OR2A1: variants seen among roughly 807,000 people sequenced by gnomAD.
OR2A1 encodes olfactory receptor 2A1/2A42.
For synonymous variants in OR2A1, 2 were observed against 94.7 expected, an observed-to-expected ratio of 0.02 and a Z score of 5.68; for missense variants, 1 against 212.3, an observed-to-expected ratio of 0.00 and a Z score of 6.19.
At chr7:144,316,670 CT>C (rs1404218870) in intron 1 of OR2A1, among the ~76,000 whole-genome samples, 4 of 152,372 alleles carry the variant, frequency 2.6e-5, no homozygotes, top group South Asian at 2.1e-4. Flanking sequence ...AGATCTCATT[CT>C]TTTTTTATGG....
intron 1 of OR2A1, among the ~76,000 whole-genome samples, chr7:144,316,107 T>C (rs1455442066): frequency 2.7e-5 from 4 of 150,672 alleles, no homozygotes; most frequent in African/African-American, 9.7e-5. Context: ...ATGTAGAAGG[T>C]TGGCCTAGGA....
chr7:144,316,395 G>T (rs1336697167), intron 1 of OR2A1, among the ~76,000 whole-genome samples: 3 of 148,930 alleles, frequency 2.0e-5, no homozygotes, highest in African/African-American at 7.4e-5. Context: ...ACAAACTTGT[G>T]TCTTGAGGGT....
chr7:144,322,707 A>G lies in OR2A1; in HGVS notation c.*3650A>G, dbSNP rs891936995. The G allele has an allele frequency of 1.3e-5, 2 of 150,334 alleles. No homozygotes were observed. The highest frequency in any genetic ancestry group is 3.0e-5 in the Non-Finnish European group (2 of 67,700). The allele number at this position is 150,334 out of a possible 1,614,324, so 9.3% of individuals were successfully genotyped here. On this transcript the variant is annotated 3_prime_UTR_variant, in exon 2 of 2. Transcript: ENST00000641044. ...TTGGCAACAGGCCTGTTCATAGTAG[A>G]CACACAATAAACTTTGACTAAATGA...
chr7:144,316,244 A>G lies in OR2A1; in HGVS notation c.-4-1877A>G, dbSNP rs1383125520. On this transcript the variant is annotated intron_variant, in intron 1 of 1. Transcript: ENST00000641044. Reference sequence around the variant, plus strand: ...AATCAACAATTTATTGATAATGCTTATAAGTATACAATCATTTGTTACCAC... The same window carrying G: ...AATCAACAATTTATTGATAATGCTTGTAAGTATACAATCATTTGTTACCAC... Among the ~76,000 whole-genome samples, 119 of 146,550 alleles carry G rather than the reference A, an allele frequency of 8.1e-4. No homozygotes were observed. The East Asian group carries it at 0.015, about 19-fold the overall frequency.
rs2053168966 is a variant in OR2A1, at chr7:144,321,881, A to G, written c.*2824A>G. 2 of 140,310 alleles carry G rather than the reference A, an allele frequency of 1.4e-5. No homozygotes were observed. The highest frequency in any genetic ancestry group is 4.3e-4 in the South Asian group (2 of 4,606). 8.7% of individuals were successfully genotyped at this position (140,310 alleles called of 1,614,324 possible). A position where few individuals can be genotyped will look rare whatever the true frequency, so the allele number is the denominator to read the frequency against. Reference sequence around the variant, plus strand: ...AAATTGCTCTTTAAACAGGAAGAGCATTGGTGCTGGTAGGTCACCTACGCC... The same window carrying G: ...AAATTGCTCTTTAAACAGGAAGAGCGTTGGTGCTGGTAGGTCACCTACGCC... On this transcript the variant is annotated 3_prime_UTR_variant, in exon 2 of 2. Transcript: ENST00000641044.
chr7:144,320,851 A>AC lies in OR2A1; in HGVS notation c.*1795dup, dbSNP rs1247532638. 2.2e-5 allele frequency: 1 copy of AC among 45,312 alleles called. No individual in the cohort carries two copies. Among genetic ancestry groups the AC allele is most frequent in the African/African-American group, 1.7e-4 (1 of 5,716 alleles). The allele number at this position is 45,312 out of a possible 1,614,324, so 2.8% of individuals were successfully genotyped here. On this transcript the variant is annotated 3_prime_UTR_variant, in exon 2 of 2. Coordinates refer to ENST00000641044, the MANE Select transcript of OR2A1 (RefSeq NM_001005287.2). ...ACAAACAAAAAACAGCTTTTTTTAT[A>AC]CTGGTGCGTGAAATGAGATGAGGTG...
intron 1 of OR2A1, among the ~76,000 whole-genome samples, chr7:144,315,879 T>TGG (rs2053069902): frequency 1.2e-5 from 1 of 81,114 alleles, no homozygotes; most frequent in African/African-American, 3.8e-5. Flanking sequence ...GGCATGCACC[T>TGG]GTAATCCCAG....
intron 1 of OR2A1, among the ~76,000 whole-genome samples, chr7:144,316,288 G>C (rs1408188514): frequency 6.9e-6 from 1 of 145,124 alleles, no homozygotes; most frequent in Non-Finnish European, 1.5e-5. Flanking sequence ...GATCCAGTGG[G>C]AACGTTCTTT....
At chr7:144,313,529 A>C in intron 1 of OR2A1, among the ~76,000 whole-genome samples, 1 of 89,140 alleles carries the variant, frequency 1.1e-5, no homozygotes, top group Non-Finnish European at 2.1e-5. Context: ...CCCACCCCAT[A>C]GTTTCTTTCA....
At position 144,320,421 on chromosome 7, in the gene OR2A1, C is replaced by T. The variant is rs937807908; in HGVS notation, c.*1364C>T. On this transcript the variant is annotated 3_prime_UTR_variant, in exon 2 of 2. Transcript: ENST00000641044. ...CAACACTCACATGCTCACGTACATGCGTGTGCACACACACACACACACACA... is the reference window on the plus strand; with the variant it reads ...CAACACTCACATGCTCACGTACATGTGTGTGCACACACACACACACACACA... 8 of 87,952 alleles carry T rather than the reference C, an allele frequency of 9.1e-5. 1 individual carries two copies. Among genetic ancestry groups the T allele is most frequent in the Admixed American group, 3.8e-4 (3 of 7,888 alleles). 5.4% of individuals were successfully genotyped at this position (87,952 alleles called of 1,614,324 possible).
intron 1 of OR2A1, among the ~76,000 whole-genome samples, chr7:144,313,157 T>C (rs1162953273): frequency 1.0e-5 from 1 of 99,740 alleles, no homozygotes; most frequent in Middle Eastern, 4.5e-3. Flanking sequence ...ATTGCTACTT[T>C]TTTTGTTTCT....
At position 144,320,727 on chromosome 7, in the gene OR2A1, G is replaced by C. The variant is rs1426052805; in HGVS notation, c.*1670G>C. The stretch of plus-strand genomic sequence containing the variant: ...ATTTCCAAAGATGAAGAGGAGGAGA[G>C]ATGAAAAGCAATTTTCAATCTCTAG... On this transcript the variant is annotated 3_prime_UTR_variant, in exon 2 of 2. Transcript: ENST00000641044. The C allele has an allele frequency of 4.4e-5, 2 of 45,002 alleles. No homozygotes were observed. Among genetic ancestry groups the C allele is most frequent in the Admixed American group, 2.1e-4 (1 of 4,734 alleles). 2.8% of individuals were successfully genotyped at this position (45,002 alleles called of 1,614,324 possible).
Position 144,321,937 on chromosome 7 carries a change from TAGA to T in OR2A1, c.*2881_*2883del, listed in dbSNP as rs2053169971. 1.1e-5 allele frequency: 1 copy of T among 89,348 alleles called. No homozygotes were observed. Among genetic ancestry groups the T allele is most frequent in the Non-Finnish European group, 2.2e-5 (1 of 45,588 alleles). 5.5% of individuals were successfully genotyped at this position (89,348 alleles called of 1,614,324 possible). On this transcript the variant is annotated 3_prime_UTR_variant, in exon 2 of 2. Transcript: ENST00000641044. Reference sequence around the variant, plus strand: ...CCTCATGGCTTCCCCTTGTCCCCCCTAGAGGCACAGGAGGCCACTCACTCTTGG... The same window carrying T: ...CCTCATGGCTTCCCCTTGTCCCCCCTGGCACAGGAGGCCACTCACTCTTGG...
rs2128840177 is a variant in OR2A1 at position 144,322,492 on chromosome 7, G to A, written c.*3435G>A. On this transcript the variant is annotated 3_prime_UTR_variant, in exon 2 of 2. Coordinates refer to ENST00000641044, the MANE Select transcript of OR2A1 (RefSeq NM_001005287.2). ...TTAGAAAAATTCTTACATCAAATAT[G>A]TGGAGTAGGTACTAATACTATCCTA... 6.6e-6 allele frequency: 1 copy of A among 150,882 alleles called. No homozygotes were observed. Among genetic ancestry groups the A allele is most frequent in the East Asian group, 1.9e-4 (1 of 5,166 alleles). The allele number at this position is 150,882 out of a possible 1,614,324, so 9.3% of individuals were successfully genotyped here.
chr7:144,316,824 GAGA>G (rs1296530263), intron 1 of OR2A1, among the ~76,000 whole-genome samples: 3 of 91,294 alleles, frequency 3.3e-5, no homozygotes, highest in Non-Finnish European at 4.6e-5. Context: ...CCTTAATCTG[GAGA>G]AGTTCTCCTT....
chr7:144,313,232 G>T (rs1445265148), intron 1 of OR2A1, among the ~76,000 whole-genome samples: 1 of 101,714 alleles, frequency 9.8e-6, no homozygotes. Context: ...TTAATGTTTT[G>T]CTTTCTCATA....
rs543463324 is a variant in OR2A1, at chr7:144,322,473, A to G, written c.*3416A>G. The G allele has an allele frequency of 1.6e-4, 24 of 150,916 alleles. No homozygotes were observed. In the East Asian group the frequency reaches 4.3e-3, roughly 27 times the overall value. 9.3% of individuals were successfully genotyped at this position (150,916 alleles called of 1,614,324 possible). ...TGGCACTGCATAAAATGCTTTAGAA[A>G]AATTCTTACATCAAATATGTGGAGT... On this transcript the variant is annotated 3_prime_UTR_variant, in exon 2 of 2. Coordinates refer to ENST00000641044, the MANE Select transcript of OR2A1 (RefSeq NM_001005287.2).
chr7:144,312,249 A>C, upstream of OR2A1, among the ~76,000 whole-genome samples: 1 of 86,324 alleles, frequency 1.2e-5, no homozygotes, highest in Non-Finnish European at 2.2e-5. Context: ...ATGAGCATGC[A>C]GGAGGTTTCA....
rs1209775044 is a variant in OR2A1 at position 144,321,779 on chromosome 7, T to C, written c.*2722T>C. On this transcript the variant is annotated 3_prime_UTR_variant, in exon 2 of 2. Transcript: ENST00000641044. ...TTAAAAGTGCTATGTGAACATAAGA[T>C]AAACTGTTATGATTACCCTGCTGTC... is the stretch of plus-strand genomic sequence containing the variant. The C allele has an allele frequency of 6.7e-6, 1 of 149,080 alleles. No individual in the cohort carries two copies. The highest frequency in any genetic ancestry group is 1.9e-4 in the East Asian group (1 of 5,174). The allele number at this position is 149,080 out of a possible 1,614,324, so 9.2% of individuals were successfully genotyped here.
Sources: allele counts gnomAD v4.1 joint callset (sites outside exome capture counted in the v4.1 genomes callset), GRCh38; gene constraint gnomAD v4.1.1; transcripts MANE v1.5; gene names NCBI Gene and HGNC (gene_info 2026-07-23, HGNC 2026-07-21).